UBQLN4: variants seen among roughly 807,000 people sequenced by gnomAD.
UBQLN4 encodes the protein ubiquilin-4.
A neutral mutation model predicts 60.4 loss-of-function variants in UBQLN4; 11 were observed. That is an observed-to-expected ratio of 0.18 (90% CI 0.11 to 0.30). The LOEUF is 0.30. Ranked by LOEUF, UBQLN4 falls within the 10% of genes least tolerant of loss-of-function variation. UBQLN4 has a pLI of 1.00. For missense variants in UBQLN4, 417 were observed against 795.5 expected (o/e 0.52, Z 5.72); for synonymous variants, 258 against 313.1 (o/e 0.82, Z 1.86).
Position 156,051,133 on chromosome 1 carries a change from G to T in UBQLN4, c.455C>A (p.Pro152His), listed in dbSNP as rs1683857357. The T allele has an allele frequency of 6.2e-7, 1 of 1,613,436 alleles. No individual in the cohort carries two copies. The highest frequency in any genetic ancestry group is 1.3e-5 in the African/African-American group (1 of 74,926). The change falls in exon 3 of 11, where the codon CCC becomes CAC. Residue 152 changes from proline (P) to histidine (H), a missense_variant. By Grantham distance (77) the Pro-to-His change is moderately conservative. Transcript: ENST00000368309. Reference protein sequence around the residue: ...GPSPGAGEGSPSATASILSGF... With the variant: ...GPSPGAGEGSHSATASILSGF... ...ACAGAGTATGGACGCAGTAGCACTG[G>T]GGGATCCCTCCCCAGCCCCCGGAGA...
At position 156,051,271 on chromosome 1, in the gene UBQLN4, G is replaced by A. The variant is rs1323193145; in HGVS notation, c.317C>T (p.Ser106Leu). 6.4e-7 allele frequency: 1 copy of A among 1,574,008 alleles called. No individual in the cohort carries two copies. The highest frequency in any genetic ancestry group is 8.6e-7 in the Non-Finnish European group (1 of 1,158,676). The change falls in exon 3 of 11, where the codon TCA (serine) becomes TTA (leucine). Residue 106 changes from serine to leucine, a missense_variant. Ser to Leu is a moderately radical substitution (Grantham distance 145). Coordinates refer to ENST00000368309, the MANE Select transcript of UBQLN4 (RefSeq NM_020131.5). Reference protein sequence around the residue: ...ASSPSTPDPASAPSTTPASPA... With the variant: ...ASSPSTPDPALAPSTTPASPA... ...TGAAGCAGGCGTGGTGGAGGGTGCT[G>A]AGGCAGGGTCAGGTGTGGAGGGGGA...
chr1:156,041,810 G>T, intron 9 of UBQLN4, 62 bp downstream of exon 9: 1 of 1,517,658 alleles, frequency 6.6e-7, no homozygotes, highest in Non-Finnish European at 8.9e-7. Flanking sequence ...GAGTGGCAGA[G>T]AGAAGAGTTG....
rs1160513397 is a variant in UBQLN4 at position 156,036,541 on chromosome 1, G to A, written c.*437C>T. 10 of 987,774 alleles carry A rather than the reference G, an allele frequency of 1.0e-5. No homozygotes were observed. Among genetic ancestry groups the A allele is most frequent in the Non-Finnish European group, 1.2e-5 (10 of 831,432 alleles). The allele number at this position is 987,774 out of a possible 1,614,324, so 61.2% of individuals were successfully genotyped here. ...GCATTGGTTGGGCTAGGGGTTGGGG[G>A]GTAGGGAGAAAAAGAAGGAAGAGAG... On this transcript the variant is annotated 3_prime_UTR_variant, in exon 11 of 11. Coordinates refer to ENST00000368309, the MANE Select transcript of UBQLN4 (RefSeq NM_020131.5).
chr1:156,033,360 C>G, downstream of UBQLN4: 1 of 901,522 alleles, frequency 1.1e-6, no homozygotes, highest in South Asian at 5.1e-5. Flanking sequence ...CATGTGTGAG[C>G]CTGATGATTC....
chr1:156,038,650 C>T (rs1317340203), intron 10 of UBQLN4, among the ~76,000 whole-genome samples: 1 of 151,644 alleles, frequency 6.6e-6, no homozygotes, highest in Non-Finnish European at 1.5e-5. Flanking sequence ...GAGTGAGACT[C>T]CATCTCAAAA....
chr1:156,051,453 C>G, intron 2 of UBQLN4, 126 bp from the exon 3 acceptor site: 1 of 1,285,150 alleles, frequency 7.8e-7, no homozygotes, highest in Non-Finnish European at 1.1e-6. Flanking sequence ...AGTCCTGAGG[C>G]TGGAGTGGGG....
In UBQLN4 at chr1:156,048,733, G is replaced by C; in HGVS notation, c.742-74C>G. On this transcript the variant is annotated intron_variant, in intron 4 of 10. Transcript: ENST00000368309. This position sits in a 1 kb window ranked among gnomAD's most constrained non-coding sequence, Gnocchi z 4.9. ...AACCTAGGAAAAGGGTGGGCCTTGA[G>C]GAAGGGGGGTCTGTATCAGGATCAG... 6.6e-7 allele frequency: 1 copy of C among 1,526,326 alleles called. No individual in the cohort carries two copies. Among genetic ancestry groups the C allele is most frequent in the African/African-American group, 1.4e-5 (1 of 73,460 alleles). The allele number at this position is 1,526,326 out of a possible 1,614,324, so 94.5% of individuals were successfully genotyped here. A position where few individuals can be genotyped will look rare whatever the true frequency, so the allele number is the denominator to read the frequency against.
In UBQLN4 at chr1:156,041,956, G is replaced by A. The variant is rs1683578681; in HGVS notation, c.1382C>T (p.Thr461Ile). The change falls in exon 9 of 11, where the codon ACC (threonine) becomes ATC (isoleucine). Residue 461 changes from threonine (T) to isoleucine (I), a missense_variant. Transcript: ENST00000368309. The stretch of plus-strand genomic sequence containing the variant: ...CAATGCCTGCATGGCTCGGGGATTG[G>A]TAAGGATGGAGAGTGACTCTGGGTT... ...MQNPESLSILTNPRAMQALLQ... is the reference protein window; with the variant it reads ...MQNPESLSILINPRAMQALLQ... 6.2e-7 allele frequency: 1 copy of A among 1,614,000 alleles called. No individual in the cohort carries two copies. The highest frequency in any genetic ancestry group is 1.3e-5 in the African/African-American group (1 of 74,944).
downstream of UBQLN4, chr1:156,035,289 G>C: frequency 1.0e-6 from 1 of 985,288 alleles, no homozygotes; most frequent in Non-Finnish European, 1.2e-6. Flanking sequence ...AAAAACAAAC[G>C]CCAACACACT....
chr1:156,035,932 C>T lies in UBQLN4; in HGVS notation c.*1046G>A. ...ACATGTGGATACACATGCACCTCCCCACTACTCACACAGACCCCAACCCCC... is the reference window on the plus strand; with the variant it reads ...ACATGTGGATACACATGCACCTCCCTACTACTCACACAGACCCCAACCCCC... On this transcript the variant is annotated 3_prime_UTR_variant, in exon 11 of 11. Transcript: ENST00000368309. 2.0e-6 allele frequency: 2 copies of T among 985,482 alleles called. No individual in the cohort carries two copies. Among genetic ancestry groups the T allele is most frequent in the Non-Finnish European group, 2.4e-6 (2 of 829,922 alleles). The allele number at this position is 985,482 out of a possible 1,614,324, so 61.0% of individuals were successfully genotyped here. A position where few individuals can be genotyped will look rare whatever the true frequency, so the allele number is the denominator to read the frequency against.
In UBQLN4 at chr1:156,036,082, C is replaced by G; in HGVS notation, c.*896G>C. 1.0e-6 allele frequency: 1 copy of G among 985,562 alleles called. No individual in the cohort carries two copies. The highest frequency in any genetic ancestry group is 1.2e-6 in the Non-Finnish European group (1 of 829,942). The allele number at this position is 985,562 out of a possible 1,614,324, so 61.1% of individuals were successfully genotyped here. Reference sequence around the variant, plus strand: ...GCTTGAGGAACTAAAGCCAATATGACCCCTTGTGGGGCGTGGCGCTTAGCT... The same window carrying G: ...GCTTGAGGAACTAAAGCCAATATGAGCCCTTGTGGGGCGTGGCGCTTAGCT... On this transcript the variant is annotated 3_prime_UTR_variant, in exon 11 of 11. Transcript: ENST00000368309.
intron 6 of UBQLN4, 144 bp downstream of exon 6, chr1:156,043,854 A>G: frequency 1.1e-6 from 1 of 892,156 alleles, no homozygotes; most frequent in Non-Finnish European, 1.8e-6. Flanking sequence ...CCCGGCCACT[A>G]TCCCAGACGG....
chr1:156,033,213 G>T (rs935953872), downstream of UBQLN4: 2 of 985,348 alleles, frequency 2.0e-6, no homozygotes, highest in African/African-American at 3.5e-5. Flanking sequence ...GGGTGAGACT[G>T]ACTCAGCTGT....
chr1:156,032,877 T>C (rs1683318916), downstream of UBQLN4, among the ~76,000 whole-genome samples: 1 of 152,074 alleles, frequency 6.6e-6, no homozygotes, highest in Admixed American at 6.6e-5. Flanking sequence ...AGAACAAGGT[T>C]TGCATTCTCC....
downstream of UBQLN4, among the ~76,000 whole-genome samples, chr1:156,031,577 CTTTTT>C (rs58222507): frequency 1.6e-5 from 2 of 122,742 alleles, no homozygotes. Context: ...GGAACTTCTT[CTTTTT>C]TTTTTTTTTT....
chr1:156,044,345 C>T (rs1558087779), intron 5 of UBQLN4, 122 bp from the exon 6 acceptor site: 3 of 865,514 alleles, frequency 3.5e-6, no homozygotes, highest in East Asian at 2.6e-5. Flanking sequence ...GATCTAAGAC[C>T]TTAGAGGTCC....
intron 10 of UBQLN4, among the ~76,000 whole-genome samples, chr1:156,038,952 C>T (rs1039255957): frequency 1.8e-4 from 28 of 151,820 alleles, no homozygotes; most frequent in African/African-American, 6.3e-4. Context: ...CCACCAAGCC[C>T]GGCTAATTTT....
At position 156,048,288 on chromosome 1, in the gene UBQLN4, C is replaced by G. The variant is rs1683768912; in HGVS notation, c.900+213G>C. On this transcript the variant is annotated intron_variant, in intron 5 of 10. Transcript: ENST00000368309. The surrounding 1 kb of genome is among the most constrained non-coding windows in gnomAD (Gnocchi z 4.9). ...GATGTCAAGTTCCTTGGATGCTATG[C>G]CTCAACCACTTCCACAAGGACCTCT... 6.6e-6 allele frequency among the ~76,000 whole-genome samples: 1 copy of G among 152,188 alleles called. No individual in the cohort carries two copies. Among genetic ancestry groups the G allele is most frequent in the Non-Finnish European group, 1.5e-5 (1 of 68,030 alleles).
At position 156,041,858 on chromosome 1, in the gene UBQLN4, C is replaced by T. The variant is rs375064044; in HGVS notation, c.1466+14G>A. The T allele has an allele frequency of 2.1e-5, 34 of 1,590,450 alleles. No homozygotes were observed. The highest frequency in any genetic ancestry group is 2.7e-5 in the Non-Finnish European group (32 of 1,172,394). The stretch of plus-strand genomic sequence containing the variant: ...TGCTAGAACCTTGCTGCCCTCCTGC[C>T]CCCCTACCCTCACCTGGGTACCAGC... On this transcript the variant is annotated intron_variant, in intron 9 of 10. Coordinates refer to ENST00000368309, the MANE Select transcript of UBQLN4 (RefSeq NM_020131.5).
Sources: gnomAD v4.1 joint callset for allele counts (sites outside exome capture counted in the v4.1 genomes callset) on GRCh38, gnomAD v4.1.1 for gene constraint, Gnocchi (gnomAD v3.1) non-coding constraint, MANE v1.5 for transcripts, NCBI Gene and HGNC (gene_info 2026-07-23, HGNC 2026-07-21) for gene names.